DIAPH2: variants seen among roughly 807,000 people sequenced by gnomAD.
DIAPH2 encodes the protein protein diaphanous homolog 2.
A neutral mutation model predicts 92.7 loss-of-function variants in DIAPH2; 35 were observed. That is an observed-to-expected ratio of 0.38 (90% CI 0.29 to 0.50). DIAPH2 has a LOEUF of 0.50. DIAPH2 is among the 20% of genes least tolerant of loss of function. The pLI is 0.94. For synonymous variants in DIAPH2, 301 were observed against 280.4 expected (o/e 1.07, Z -0.73); for missense variants, 701 against 819.5 (o/e 0.86, Z 1.77).
chrX:97,223,593 A>G (rs1343784557), intron 22 of DIAPH2, among the ~76,000 whole-genome samples: 2 of 111,585 alleles, frequency 1.8e-5, no homozygotes, highest in Admixed American at 9.6e-5. Context: ...TACCTTTTAT[A>G]CTTCCTGTCT....
chrX:96,797,556 G>A (rs1476263249), intron 4 of DIAPH2, among the ~76,000 whole-genome samples: 1 of 112,067 alleles, frequency 8.9e-6, no homozygotes, highest in African/African-American at 3.2e-5. Flanking sequence ...GCTTCTGTGG[G>A]GGTCCCAGGA....
intron 1 of DIAPH2, among the ~76,000 whole-genome samples, chrX:96,711,529 GT>G: frequency 9.0e-6 from 1 of 111,142 alleles, no homozygotes; most frequent in Non-Finnish European, 1.9e-5. Context: ...GGGATTATTT[GT>G]TTTTTTCTTG....
intron 5 of DIAPH2, chrX:96,885,264 T>TATA: frequency 2.2e-6 from 1 of 460,652 alleles, no homozygotes; most frequent in South Asian, 3.6e-5. Context: ...TTTTCTGTAT[T>TATA]TGAAGCTCAG....
chrX:96,751,647 G>GTTTTTTTTTTTTTTTTTTTTTTTTTT lies in DIAPH2; in HGVS notation c.343-6503_343-6502insTTTTTTTTTTTTTTTTTTTTTTTTTT, dbSNP rs1332024432. On this transcript the variant is annotated intron_variant, in intron 3 of 26. Coordinates refer to ENST00000324765, the MANE Select transcript of DIAPH2 (RefSeq NM_006729.5). ...TATAAATGGTCAACTAGACTTCAGT[G>GTTTTTTTTTTTTTTTTTTTTTTTTTT]TTTTGTTTTTTTTTTTTTTTTTTTG... is the stretch of plus-strand genomic sequence containing the variant. 6.8e-4 allele frequency among the ~76,000 whole-genome samples: 58 copies of GTTTTTTTTTTTTTTTTTTTTTTTTTT among 85,000 alleles called. 1 individual carries two copies. The highest frequency in any genetic ancestry group is 1.8e-3 in the East Asian group (4 of 2,239). 73.8% of individuals were successfully genotyped at this position (85,000 alleles called of 115,157 possible).
chrX:97,274,689 T>A (rs1349653061), intron 23 of DIAPH2, among the ~76,000 whole-genome samples: 1 of 107,673 alleles, frequency 9.3e-6, no homozygotes, highest in African/African-American at 3.4e-5. Flanking sequence ...GTTTCTCGTA[T>A]AGGGGGATTT....
At chrX:97,154,626 G>A (rs763369157) in intron 22 of DIAPH2, among the ~76,000 whole-genome samples, 2 of 111,122 alleles carry the variant, frequency 1.8e-5, no homozygotes, top group Admixed American at 9.6e-5. Flanking sequence ...ATTATGATGA[G>A]GAGAAAGAAT....
intron 26 of DIAPH2, among the ~76,000 whole-genome samples, chrX:97,464,042 G>A (rs776392475): frequency 9.1e-6 from 1 of 110,450 alleles, no homozygotes; most frequent in Non-Finnish European, 1.9e-5. Context: ...ATCTACATAA[G>A]GTAGCTTGAG....
chrX:97,422,645 G>C (rs769045877), intron 25 of DIAPH2, among the ~76,000 whole-genome samples: 20 of 111,443 alleles, frequency 1.8e-4, no homozygotes, highest in Admixed American at 4.8e-4. Flanking sequence ...ATTATGCCTC[G>C]GTTAAGATTT....
chrX:97,092,765 T>C (rs926695465), intron 19 of DIAPH2, among the ~76,000 whole-genome samples: 1 of 111,962 alleles, frequency 8.9e-6, no homozygotes, highest in African/African-American at 3.2e-5. Flanking sequence ...TGTACTATTT[T>C]ATAATAATGA....
intron 4 of DIAPH2, among the ~76,000 whole-genome samples, chrX:96,786,494 C>T (rs2064457915): frequency 8.9e-6 from 1 of 111,869 alleles, no homozygotes; most frequent in African/African-American, 3.2e-5. Context: ...GTTACTACAG[C>T]GGAGATAACA....
chrX:96,972,611 A>G (rs768484955), intron 17 of DIAPH2, among the ~76,000 whole-genome samples: 1 of 111,089 alleles, frequency 9.0e-6, no homozygotes, highest in Admixed American at 9.7e-5. Flanking sequence ...GAGGATGCCC[A>G]GTATACTTAG....
intron 17 of DIAPH2, among the ~76,000 whole-genome samples, chrX:97,004,751 C>T (rs1311554774): frequency 1.8e-5 from 2 of 111,775 alleles, no homozygotes; most frequent in South Asian, 7.4e-4. Context: ...GCAAATGAGG[C>T]TAATTTGACT....
chrX:97,475,028 T>G lies in DIAPH2; in HGVS notation c.3241+45283T>G, dbSNP rs1602615005. On this transcript the variant is annotated intron_variant, in intron 26 of 26. Transcript: ENST00000324765. ...TTAATCTAGTTCTTCTAATTAAATA[T>G]GAGATAATTAAAGTTCACAGAGTTT... 2.7e-5 allele frequency among the ~76,000 whole-genome samples: 3 copies of G among 110,640 alleles called. No individual in the cohort carries two copies. The South Asian group carries it at 1.2e-3, about 44-fold the overall frequency.
At chrX:97,187,280 C>CTTTTTTTTTT (rs1569323905) in intron 22 of DIAPH2, among the ~76,000 whole-genome samples, 9 of 10,218 alleles carry the variant, frequency 8.8e-4, no homozygotes, top group African/African-American at 1.2e-3. Flanking sequence ...AATTAAGTAG[C>CTTTTTTTTTT]CTTTTTTTTT....
intron 17 of DIAPH2, among the ~76,000 whole-genome samples, chrX:97,057,761 C>T (rs1459429919): frequency 1.8e-5 from 2 of 111,992 alleles, no homozygotes; most frequent in African/African-American, 6.5e-5. Flanking sequence ...GCTTCGGTGG[C>T]ATTTCCCCTT....
chrX:97,370,580 G>A (rs1057512550), intron 24 of DIAPH2, among the ~76,000 whole-genome samples: 3 of 111,849 alleles, frequency 2.7e-5, no homozygotes, highest in Non-Finnish European at 5.6e-5. Flanking sequence ...CTTAATTGAA[G>A]GATAATGATA....
At chrX:97,586,477 C>T (rs5967328) in intron 26 of DIAPH2, among the ~76,000 whole-genome samples, 46,122 of 109,591 alleles carry the variant, frequency 0.42, 7,022 homozygotes, top group South Asian at 0.62. Flanking sequence ...TGTCTTACCA[C>T]TTCACTCCCT....
At chrX:97,302,190 C>A (rs1408409805) in intron 23 of DIAPH2, among the ~76,000 whole-genome samples, 2 of 69,639 alleles carry the variant, frequency 2.9e-5, no homozygotes, top group African/African-American at 1.2e-4. Flanking sequence ...TCCAGCCTGA[C>A]GATAGAGCAA....
intron 17 of DIAPH2, among the ~76,000 whole-genome samples, chrX:97,013,790 G>A (rs1470398656): frequency 8.9e-6 from 1 of 112,155 alleles, no homozygotes; most frequent in Non-Finnish European, 1.9e-5. Context: ...ACCTGGACAT[G>A]GCACTGGAGT....
Sources: allele counts gnomAD v4.1 joint callset (sites outside exome capture counted in the v4.1 genomes callset), GRCh38; gene constraint gnomAD v4.1.1; transcripts MANE v1.5; gene names NCBI Gene and HGNC (gene_info 2026-07-23, HGNC 2026-07-21).